KLHL2: variants seen among roughly 807,000 people sequenced by gnomAD.
The protein encoded by KLHL2 is kelch like family member 2.
In KLHL2, 15 loss-of-function variants were observed where a neutral mutation model predicts 75.8. The observed-to-expected ratio is 0.20, with a 90% CI of 0.13 to 0.30. The LOEUF is 0.30. KLHL2 is among the 10% of genes least tolerant of loss of function. The pLI is 1.00. For missense variants in KLHL2, 381 were observed against 741.0 expected (o/e 0.51, Z 5.64); for synonymous variants, 214 against 251.9 (o/e 0.85, Z 1.42).
intron 4 of KLHL2, among the ~76,000 whole-genome samples, chr4:165,254,728 C>A (rs1465763448): frequency 2.6e-5 from 4 of 152,086 alleles, no homozygotes; most frequent in Admixed American, 6.5e-5. Flanking sequence ...GTTCTATATT[C>A]GCTTGATAAC....
intron 13 of KLHL2, among the ~76,000 whole-genome samples, chr4:165,316,233 C>G (rs1746579449): frequency 6.6e-6 from 1 of 152,096 alleles, no homozygotes; most frequent in African/African-American, 2.4e-5. Context: ...TCTGTGAGCC[C>G]CTCATAGATA....
chr4:165,255,821 C>A (rs1331217257), intron 4 of KLHL2, among the ~76,000 whole-genome samples: 1 of 152,092 alleles, frequency 6.6e-6, no homozygotes, highest in Non-Finnish European at 1.5e-5. Context: ...ACAGCAACAA[C>A]AAAAGCTGTC....
Position 165,305,619 on chromosome 4 carries a change from G to A in KLHL2, c.933G>A (p.Val311=), listed in dbSNP as rs1745670733. 1.2e-6 allele frequency: 2 copies of A among 1,613,794 alleles called. No homozygotes were observed. Among genetic ancestry groups the A allele is most frequent in the Non-Finnish European group, 1.7e-6 (2 of 1,179,770 alleles). ...TTCTGCCCTTGTAGTTGATGGTGGT[G>A]GTTGGGGGCCAAGCACCAAAGGCTA... ...TPMNLPKLMV[V]VGGQAPKAIR... is the part of the protein sequence containing the mutation. Residue 311 remains valine, a synonymous_variant, in exon 9 of 15, where the codon GTG becomes GTA. Transcript: ENST00000226725.
chr4:165,222,197 G>A lies in KLHL2; in HGVS notation c.152+2138G>A, dbSNP rs189824290. The stretch of plus-strand genomic sequence containing the variant: ...GAGTTTTGGGACAGACTCTGGTCTC[G>A]AGCCAATTATTTTACTTGTTTGAGC... On this transcript the variant is annotated intron_variant, in intron 2 of 14. Transcript: ENST00000226725. Among the ~76,000 whole-genome samples, 9 of 152,194 alleles carry A rather than the reference G, an allele frequency of 5.9e-5. No individual in the cohort carries two copies. In the East Asian group the frequency reaches 1.5e-3, roughly 26 times the overall value.
rs1256527825 is a variant in KLHL2, at chr4:165,297,609, G to A, written c.655G>A (p.Val219Ile). 3.2e-6 allele frequency: 5 copies of A among 1,584,640 alleles called. No homozygotes were observed. In the East Asian group the frequency reaches 1.1e-4, roughly 35 times the overall value. ...TTTCTTCTCCTATATTTTCTGCAAG[G>A]TATTTGAAGCAGTAATAGCATGGGT... ...DKLTISSEEK[V>I]FEAVIAWVNH... Residue 219 changes from valine (V) to isoleucine (I), a missense_variant and splice_region_variant, in exon 7 of 15, where the codon GTA becomes ATA. Physicochemically the swap from Val to Ile is conservative, Grantham distance 29. Around this residue, in one of 5 missense-constraint regions of KLHL2, gnomAD observed 111 missense variants for 150.1 expected, o/e 0.74. Coordinates refer to ENST00000226725, the MANE Select transcript of KLHL2 (RefSeq NM_007246.4).
intron 4 of KLHL2, among the ~76,000 whole-genome samples, chr4:165,241,313 A>G (rs1420703081): frequency 6.6e-6 from 1 of 152,254 alleles, no homozygotes; most frequent in African/African-American, 2.4e-5. Flanking sequence ...GTAAAGATAC[A>G]CCAGACTCCT....
chr4:165,225,806 A>G (rs1299812318), intron 2 of KLHL2, among the ~76,000 whole-genome samples: 1 of 152,194 alleles, frequency 6.6e-6, no homozygotes, highest in Non-Finnish European at 1.5e-5. Context: ...GAAGACAAAT[A>G]AAAAATTGAA....
chr4:165,267,108 T>C (rs1742301852), intron 5 of KLHL2, among the ~76,000 whole-genome samples: 1 of 152,126 alleles, frequency 6.6e-6, no homozygotes, highest in African/African-American at 2.4e-5. Context: ...TGCTCATGAT[T>C]TGGCTCTCTA....
chr4:165,220,172 A>G, intron 2 of KLHL2, 113 bp downstream of exon 2: 6 of 1,483,206 alleles, frequency 4.0e-6, no homozygotes, highest in Non-Finnish European at 4.5e-6. Flanking sequence ...TACACAGAAC[A>G]TTAAAAGCTT....
intron 2 of KLHL2, among the ~76,000 whole-genome samples, chr4:165,226,707 T>C (rs1360732015): frequency 1.3e-5 from 2 of 152,136 alleles, no homozygotes; most frequent in Admixed American, 6.6e-5. Context: ...AAAAATACTT[T>C]CTAGTATATA....
At chr4:165,234,802 C>CT (rs1337410561) in intron 3 of KLHL2, among the ~76,000 whole-genome samples, 2 of 151,634 alleles carry the variant, frequency 1.3e-5, no homozygotes, top group Non-Finnish European at 2.9e-5. Context: ...TGTTCTTACA[C>CT]TTTCATGATT....
intron 2 of KLHL2, among the ~76,000 whole-genome samples, chr4:165,221,665 A>C (rs1738007480): frequency 6.6e-6 from 1 of 152,222 alleles, no homozygotes; most frequent in Non-Finnish European, 1.5e-5. Context: ...TATTTTGAAC[A>C]CACTGGCTGC....
chr4:165,229,528 C>T (rs2111040856), intron 3 of KLHL2, among the ~76,000 whole-genome samples: 1 of 152,058 alleles, frequency 6.6e-6, no homozygotes, highest in African/African-American at 2.4e-5. Flanking sequence ...ATTGGTATGC[C>T]AAATAGAAAA....
intron 1 of KLHL2, among the ~76,000 whole-genome samples, chr4:165,216,975 A>G (rs1737591016): frequency 6.6e-6 from 1 of 152,212 alleles, no homozygotes; most frequent in Admixed American, 6.5e-5. Context: ...GTTGTATGGC[A>G]ACTGTCTTAA....
At chr4:165,305,033 GGTT>G (rs1745622294) in intron 8 of KLHL2, among the ~76,000 whole-genome samples, 1 of 152,146 alleles carries the variant, frequency 6.6e-6, no homozygotes, top group Admixed American at 6.5e-5. Context: ...TGTCCTGTTA[GGTT>G]GTTTTATTTG....
chr4:165,256,081 A>G (rs1160552139), intron 4 of KLHL2, among the ~76,000 whole-genome samples: 3 of 152,048 alleles, frequency 2.0e-5, no homozygotes, highest in Non-Finnish European at 4.4e-5. Flanking sequence ...TTGTCAAACA[A>G]TGTGAAGTAG....
chr4:165,302,564 A>G (rs540212921), intron 8 of KLHL2, among the ~76,000 whole-genome samples: 3 of 152,262 alleles, frequency 2.0e-5, no homozygotes, highest in African/African-American at 7.2e-5. Flanking sequence ...CAATAAACAG[A>G]TTGTATAAGG....
intron 14 of KLHL2, among the ~76,000 whole-genome samples, chr4:165,318,867 A>G (rs1484633630): frequency 2.0e-5 from 3 of 151,998 alleles, no homozygotes; most frequent in African/African-American, 7.3e-5. Flanking sequence ...TGAAAAAATT[A>G]AGTTTAAGAT....
intron 13 of KLHL2, among the ~76,000 whole-genome samples, chr4:165,316,770 TTAAA>T (rs1396260059): frequency 1.3e-5 from 2 of 152,094 alleles, no homozygotes; most frequent in African/African-American, 4.8e-5. Context: ...AAAAAAATGA[TTAAA>T]TAAACTGTCA....
Sources: allele counts gnomAD v4.1 joint callset (sites outside exome capture counted in the v4.1 genomes callset), GRCh38; gene constraint gnomAD v4.1.1; regional missense constraint gnomAD v4.1.1; transcripts MANE v1.5; gene names NCBI Gene and HGNC (gene_info 2026-07-23, HGNC 2026-07-21).